Variants in TNR observed in about 807,000 individuals in gnomAD.
TNR encodes the protein tenascin R.
A neutral mutation model predicts 150.4 loss-of-function variants in TNR; 45 were observed. That is an observed-to-expected ratio of 0.30 (90% CI 0.24 to 0.38). TNR has a LOEUF of 0.38. Ranked by LOEUF, TNR falls within the 10% of genes least tolerant of loss-of-function variation. The pLI is 1.00. For missense variants in TNR, 1,544 were observed against 1,759.1 expected (o/e 0.88, Z 2.19); for synonymous variants, 687 against 678.4 (o/e 1.01, Z -0.20).
At chr1:175,434,591 A>G (rs1655415719) in intron 2 of TNR, among the ~76,000 whole-genome samples, 1 of 152,142 alleles carries the variant, frequency 6.6e-6, no homozygotes, top group African/African-American at 2.4e-5. Flanking sequence ...TCTCCCCAAC[A>G]TCTATATTCC....
chr1:175,682,650 C>T (rs4233164), intron 1 of TNR, among the ~76,000 whole-genome samples: 40,170 of 152,016 alleles, frequency 0.26, 6,351 homozygotes, highest in East Asian at 0.67. Context: ...AGAGGACTAG[C>T]CTTCTGAAAG....
At position 175,585,859 on chromosome 1, in the gene TNR, G is replaced by C. The variant is rs573842999; in HGVS notation, c.-164-57490C>G. ...TGTCATTAATGAAGGGCCTAGAAAA[G>C]TTTCCTAACTTTTGTGATGTCTTGG... On this transcript the variant is annotated intron_variant, in intron 1 of 22. Transcript: ENST00000367674. 1.1e-4 allele frequency among the ~76,000 whole-genome samples: 17 copies of C among 152,012 alleles called. No homozygotes were observed. The East Asian group carries it at 3.3e-3, about 29-fold the overall frequency.
intron 2 of TNR, among the ~76,000 whole-genome samples, chr1:175,519,905 G>T (rs1316311579): frequency 6.6e-6 from 1 of 152,172 alleles, no homozygotes; most frequent in East Asian, 1.9e-4. Flanking sequence ...AAATCATTCA[G>T]GGTAGTGCTT....
chr1:175,334,293 A>G (rs1650110973), intron 20 of TNR, among the ~76,000 whole-genome samples: 1 of 152,144 alleles, frequency 6.6e-6, no homozygotes, highest in African/African-American at 2.4e-5. Context: ...GGAGGAATTT[A>G]GTTTATAGTT....
intron 1 of TNR, among the ~76,000 whole-genome samples, chr1:175,654,758 G>A (rs1337001279): frequency 3.3e-5 from 4 of 119,468 alleles, no homozygotes; most frequent in Non-Finnish European, 6.4e-5. Flanking sequence ...ACGGAGTCTC[G>A]CTCTGCCGCC....
chr1:175,396,069 T>C (rs952081066), intron 5 of TNR, among the ~76,000 whole-genome samples: 2 of 152,230 alleles, frequency 1.3e-5, no homozygotes, highest in African/African-American at 4.8e-5. Flanking sequence ...GCCACCTCTC[T>C]ATCAGGAGAA....
At chr1:175,700,892 A>G (rs1571767394) in intron 1 of TNR, among the ~76,000 whole-genome samples, 1 of 152,062 alleles carries the variant, frequency 6.6e-6, no homozygotes, top group South Asian at 2.1e-4. Flanking sequence ...ACAAAACCTT[A>G]CCTCACTCAA....
At chr1:175,712,683 T>C (rs1667050037) in intron 1 of TNR, among the ~76,000 whole-genome samples, 1 of 152,034 alleles carries the variant, frequency 6.6e-6, no homozygotes, top group Admixed American at 6.5e-5. Context: ...CAGTCTGAGT[T>C]CACATGAGAT....
chr1:175,479,356 T>A (rs1044333178), intron 2 of TNR, among the ~76,000 whole-genome samples: 2 of 152,188 alleles, frequency 1.3e-5, no homozygotes, highest in African/African-American at 4.8e-5. Flanking sequence ...CCCTGACAAG[T>A]TTCCCCCCAC....
chr1:175,436,720 G>A (rs539614744), intron 2 of TNR, among the ~76,000 whole-genome samples: 5 of 152,104 alleles, frequency 3.3e-5, no homozygotes, highest in Admixed American at 1.3e-4. Flanking sequence ...AAAAAGGCAG[G>A]GGTTGCAATC....
intron 4 of TNR, among the ~76,000 whole-genome samples, chr1:175,397,747 C>T (rs954895215): frequency 1.3e-5 from 2 of 152,196 alleles, no homozygotes; most frequent in Non-Finnish European, 2.9e-5. Context: ...CCTTGCTTTA[C>T]TTTCTTCTGA....
intron 1 of TNR, among the ~76,000 whole-genome samples, chr1:175,693,518 A>G (rs1666434241): frequency 6.6e-6 from 1 of 152,158 alleles, no homozygotes; most frequent in Non-Finnish European, 1.5e-5. Context: ...GACTTTGATG[A>G]TTAATTTCCC....
At chr1:175,364,226 G>T (rs896495531) in intron 12 of TNR, among the ~76,000 whole-genome samples, 5 of 151,682 alleles carry the variant, frequency 3.3e-5, no homozygotes, top group African/African-American at 1.2e-4. Context: ...GCCACCTTTG[G>T]TTTCAGTTTT....
At chr1:175,650,823 C>CTCGCTTCA (rs1251010353) in intron 1 of TNR, among the ~76,000 whole-genome samples, 535 of 27,702 alleles carry the variant, frequency 0.019, no homozygotes, top group Admixed American at 0.021. Context: ...CCCCCACCTC[C>CTCGCTTCA]TTACTACCCC....
At chr1:175,502,045 C>T (rs116386053) in intron 2 of TNR, among the ~76,000 whole-genome samples, 40 of 152,218 alleles carry the variant, frequency 2.6e-4, no homozygotes, top group African/African-American at 8.9e-4. Context: ...AGAAGTTTCT[C>T]CATTGATTCC....
rs536738844 is a variant in TNR, at chr1:175,602,426, G to A, written c.-164-74057C>T. ...TAAGTTCCCAGGTGATAGTGATATTGCAAGTTCAGGACTACTACACCGTGA... is the reference window on the plus strand; with the variant it reads ...TAAGTTCCCAGGTGATAGTGATATTACAAGTTCAGGACTACTACACCGTGA... On this transcript the variant is annotated intron_variant, in intron 1 of 22. Coordinates refer to ENST00000367674, the MANE Select transcript of TNR (RefSeq NM_003285.3). 5.3e-5 allele frequency among the ~76,000 whole-genome samples: 8 copies of A among 152,202 alleles called. No homozygotes were observed. The East Asian group carries it at 1.5e-3, about 29-fold the overall frequency.
In TNR at chr1:175,542,004, G is replaced by T. The variant is rs78695463; in HGVS notation, c.-164-13635C>A. Among the ~76,000 whole-genome samples the T allele has an allele frequency of 3.6e-4, 55 of 152,172 alleles. 1 individual carries two copies. The highest frequency in any genetic ancestry group is 3.9e-4 in the East Asian group (2 of 5,174). On this transcript the variant is annotated intron_variant, in intron 1 of 22. Transcript: ENST00000367674. ...AAATGAGATAATGTAAACCAAAGAC[G>T]CTCTACCAATGCAAGCCATCAGAAG...
At chr1:175,614,183 C>G (rs1339033305) in intron 1 of TNR, among the ~76,000 whole-genome samples, 3 of 152,114 alleles carry the variant, frequency 2.0e-5, no homozygotes, top group African/African-American at 7.2e-5. Flanking sequence ...TGCATGCCAT[C>G]AAAATTCTAT....
At chr1:175,328,101 C>CTA (rs10701300) in intron 21 of TNR, among the ~76,000 whole-genome samples, 3,782 of 152,242 alleles carry the variant, frequency 0.025, 159 homozygotes, top group African/African-American at 0.086. Flanking sequence ...GAGTGAGACT[C>CTA]TATCTCAAAA....
Sources: gnomAD v4.1 joint callset for allele counts (sites outside exome capture counted in the v4.1 genomes callset) on GRCh38, gnomAD v4.1.1 for gene constraint, MANE v1.5 for transcripts, NCBI Gene and HGNC (gene_info 2026-07-23, HGNC 2026-07-21) for gene names.